NLGN1: variants seen among roughly 807,000 people sequenced by gnomAD.
The protein encoded by NLGN1 is neuroligin 1.
NLGN1 carries 12 observed loss-of-function variants against 65.5 expected under a neutral mutation model. The ratio of observed to expected loss-of-function variants is 0.18; its 90% CI spans 0.12 to 0.30. The LOEUF is 0.30. NLGN1 is among the 10% of genes least tolerant of loss of function. The pLI is 1.00. For synonymous variants in NLGN1, 350 were observed against 359.5 expected (o/e 0.97, Z 0.30); for missense variants, 750 against 1,007.1 (o/e 0.74, Z 3.46).
At position 173,698,654 on chromosome 3, in the gene NLGN1, T is replaced by G. The variant is rs199979014; in HGVS notation, c.493+93563T>G. Among the ~76,000 whole-genome samples, 6 of 152,188 alleles carry G rather than the reference T, an allele frequency of 3.9e-5. No homozygotes were observed. The East Asian group carries it at 1.2e-3, about 29-fold the overall frequency. On this transcript the variant is annotated intron_variant, in intron 3 of 6. Transcript: ENST00000457714. ...GAGCAACATGTTTGCTACATAATTT[T>G]TTTTCTATTTTATGGAAAAAAATTC...
At chr3:173,877,356 A>G (rs1732333386) in intron 4 of NLGN1, among the ~76,000 whole-genome samples, 1 of 152,156 alleles carries the variant, frequency 6.6e-6, no homozygotes, top group South Asian at 2.1e-4. Context: ...TCTGGCCATT[A>G]TTATTCAAAA....
At chr3:174,206,465 AC>A (rs1358246800) in intron 4 of NLGN1, among the ~76,000 whole-genome samples, 3 of 151,730 alleles carry the variant, frequency 2.0e-5, no homozygotes, top group African/African-American at 7.3e-5. Context: ...TTCATAGCCC[AC>A]CCCCTCTTAT....
At chr3:173,754,574 T>C (rs1246484338) in intron 3 of NLGN1, among the ~76,000 whole-genome samples, 4 of 152,148 alleles carry the variant, frequency 2.6e-5, no homozygotes, top group Admixed American at 6.6e-5. Flanking sequence ...CTATTTGTGC[T>C]GTATCCCCTG....
At position 173,502,797 on chromosome 3, in the gene NLGN1, C is replaced by A. The variant is rs116830439; in HGVS notation, c.-321+67719C>A. 1.3e-3 allele frequency among the ~76,000 whole-genome samples: 205 copies of A among 152,130 alleles called. 1 individual carries two copies. Among genetic ancestry groups the A allele is most frequent in the African/African-American group, 4.8e-3 (199 of 41,512 alleles). On this transcript the variant is annotated intron_variant, in intron 2 of 6. Transcript: ENST00000457714. ...CTCCCCTGGCAGTACTTTTAAGTTC[C>A]TATATGACATTCACAAAGGGATTTG...
chr3:174,232,106 CGGGCTGAGTCCGAAA>C (rs2152818547), intron 4 of NLGN1, among the ~76,000 whole-genome samples: 1 of 152,176 alleles, frequency 6.6e-6, no homozygotes, highest in Non-Finnish European at 1.5e-5. Flanking sequence ...TGGGTGCAGG[CGGGCTGAGTCCGAAA>C]AGAGAGTCAA....
chr3:174,138,416 T>C (rs1721611705), intron 4 of NLGN1, among the ~76,000 whole-genome samples: 1 of 151,406 alleles, frequency 6.6e-6, no homozygotes, highest in Non-Finnish European at 1.5e-5. Flanking sequence ...CATTCACTAG[T>C]ACTGCTTTCT....
At chr3:173,914,548 CACACACACAT>C (rs1266919812) in intron 4 of NLGN1, among the ~76,000 whole-genome samples, 3 of 142,660 alleles carry the variant, frequency 2.1e-5, no homozygotes, top group African/African-American at 7.9e-5. Flanking sequence ...CACACACACA[CACACACACAT>C]ATGTATATAT....
chr3:173,548,891 A>C (rs1443417303), intron 2 of NLGN1, among the ~76,000 whole-genome samples: 1 of 151,992 alleles, frequency 6.6e-6, no homozygotes, highest in Non-Finnish European at 1.5e-5. Flanking sequence ...TCTACACGGT[A>C]CCACTAAAAA....
intron 3 of NLGN1, among the ~76,000 whole-genome samples, chr3:173,656,570 C>G (rs1335825936): frequency 6.6e-6 from 1 of 152,026 alleles, no homozygotes; most frequent in African/African-American, 2.4e-5. Context: ...GTTGGTGAGA[C>G]CCAGCTAACG....
intron 3 of NLGN1, among the ~76,000 whole-genome samples, chr3:173,720,416 T>C (rs1267919323): frequency 6.6e-6 from 1 of 152,200 alleles, no homozygotes; most frequent in African/African-American, 2.4e-5. Flanking sequence ...ATTGATACTG[T>C]GTGACATGAA....
rs190554566 is a variant in NLGN1, at chr3:173,428,418, T to G, written c.-389-6592T>G. Among the ~76,000 whole-genome samples the G allele has an allele frequency of 1.8e-4, 27 of 152,068 alleles. No homozygotes were observed. In the East Asian group the frequency reaches 4.4e-3, roughly 25 times the overall value. On this transcript the variant is annotated intron_variant, in intron 1 of 6. Transcript: ENST00000457714. ...TTTCTGGTAGTATGTTTTATTTAAT[T>G]TCTTACTTTTTATTTTTAACATATC...
chr3:173,441,078 G>C (rs774998752), intron 2 of NLGN1, among the ~76,000 whole-genome samples: 8 of 152,162 alleles, frequency 5.3e-5, no homozygotes, highest in Non-Finnish European at 1.0e-4. Flanking sequence ...TCAACCTCAT[G>C]AACCAGTCTC....
At chr3:174,027,937 G>T (rs528943462) in intron 4 of NLGN1, among the ~76,000 whole-genome samples, 2 of 152,192 alleles carry the variant, frequency 1.3e-5, no homozygotes, top group African/African-American at 4.8e-5. Flanking sequence ...ATCATGAGGG[G>T]TGGTTTCCCC....
intron 3 of NLGN1, among the ~76,000 whole-genome samples, chr3:173,673,096 G>T (rs1762667247): frequency 6.6e-6 from 1 of 151,972 alleles, no homozygotes; most frequent in Non-Finnish European, 1.5e-5. Context: ...AAATTATATT[G>T]GTAAATCAAA....
chr3:173,671,345 TA>T (rs1162454495), intron 3 of NLGN1, among the ~76,000 whole-genome samples: 2 of 151,948 alleles, frequency 1.3e-5, no homozygotes, highest in Non-Finnish European at 2.9e-5. Context: ...ACATGAAATA[TA>T]AAAAATTAGT....
intron 4 of NLGN1, among the ~76,000 whole-genome samples, chr3:173,880,080 A>G (rs1732924285): frequency 6.6e-6 from 1 of 152,156 alleles, no homozygotes; most frequent in Admixed American, 6.5e-5. Flanking sequence ...GTGAAAATCC[A>G]AAAAGATTTT....
intron 2 of NLGN1, among the ~76,000 whole-genome samples, chr3:173,490,518 C>T (rs995962762): frequency 6.6e-6 from 1 of 152,086 alleles, no homozygotes; most frequent in African/African-American, 2.4e-5. Flanking sequence ...AGTTTGAAGT[C>T]AGGTAGCATG....
At chr3:173,978,829 C>G (rs1257895359) in intron 4 of NLGN1, among the ~76,000 whole-genome samples, 3 of 122,878 alleles carry the variant, frequency 2.4e-5, no homozygotes, top group African/African-American at 1.0e-4. Context: ...AACCCCTTCT[C>G]TAATTAAAAA....
At chr3:173,492,014 CAAGG>C (rs1299038410) in intron 2 of NLGN1, among the ~76,000 whole-genome samples, 1 of 151,684 alleles carries the variant, frequency 6.6e-6, no homozygotes, top group African/African-American at 2.4e-5. Flanking sequence ...TCCTCACTGA[CAAGG>C]AAGCAAGATA....
Sources: allele counts gnomAD v4.1 joint callset (sites outside exome capture counted in the v4.1 genomes callset), GRCh38; gene constraint gnomAD v4.1.1; transcripts MANE v1.5; gene names NCBI Gene and HGNC (gene_info 2026-07-23, HGNC 2026-07-21).